The following GHR variants were observed in gnomAD, a reference collection of about 807,000 sequenced individuals.
The protein encoded by GHR is GH receptor.
A neutral mutation model predicts 67.1 loss-of-function variants in GHR; 35 were observed. The observed-to-expected ratio is 0.52, with a 90% CI of 0.40 to 0.69. The LOEUF (loss-of-function observed/expected upper bound fraction) is 0.69. GHR is among the 30% of genes least tolerant of loss of function. The pLI is 0.00. For missense variants in GHR, 792 were observed against 764.6 expected, an observed-to-expected ratio of 1.04 and a Z score of -0.42; for synonymous variants, 272 against 269.1, an observed-to-expected ratio of 1.01 and a Z score of -0.10.
At chr5:42,545,425 T>C (rs1190609975) in intron 1 of GHR, among the ~76,000 whole-genome samples, 1 of 152,218 alleles carries the variant, frequency 6.6e-6, no homozygotes, top group Non-Finnish European at 1.5e-5. Context: ...TTTCTTTAGA[T>C]ATTTTGTTAG....
At chr5:42,459,287 A>T (rs1744387731) in intron 1 of GHR, among the ~76,000 whole-genome samples, 1 of 152,202 alleles carries the variant, frequency 6.6e-6, no homozygotes, top group Admixed American at 6.5e-5. Flanking sequence ...AGTAGACTGG[A>T]TAAAGAAAAT....
chr5:42,578,219 A>G (rs1354189221), intron 2 of GHR, among the ~76,000 whole-genome samples: 1 of 152,150 alleles, frequency 6.6e-6, no homozygotes, highest in Non-Finnish European at 1.5e-5. Flanking sequence ...AGTGTTCTCT[A>G]GGGGTCAAAA....
intron 2 of GHR, among the ~76,000 whole-genome samples, chr5:42,581,758 T>A (rs1316815057): frequency 6.6e-6 from 1 of 152,046 alleles, no homozygotes; most frequent in East Asian, 1.9e-4. Flanking sequence ...AGCTGCCAGG[T>A]GGGAAGCCTG....
At chr5:42,435,299 C>T (rs1051471049) in intron 1 of GHR, among the ~76,000 whole-genome samples, 1 of 152,098 alleles carries the variant, frequency 6.6e-6, no homozygotes, top group Non-Finnish European at 1.5e-5. Flanking sequence ...TCTCTGTCAA[C>T]GTGCCTGTAT....
At chr5:42,467,878 C>T in intron 1 of GHR, 1 of 854,026 alleles carries the variant, frequency 1.2e-6, no homozygotes, top group East Asian at 2.4e-5. Context: ...CCACAGATTT[C>T]TTACATTTCT....
intron 7 of GHR, among the ~76,000 whole-genome samples, chr5:42,713,081 G>A (rs1317506039): frequency 1.3e-5 from 2 of 151,868 alleles, no homozygotes; most frequent in Non-Finnish European, 2.9e-5. Context: ...GTGTTAATAA[G>A]CAACACTTTT....
chr5:42,668,566 C>T (rs138030022), intron 3 of GHR, among the ~76,000 whole-genome samples: 24 of 151,934 alleles, frequency 1.6e-4, no homozygotes, highest in African/African-American at 2.7e-4. Flanking sequence ...GCTGTCTTAC[C>T]GCACTAATAT....
rs181844533 is a variant in GHR at position 42,426,357 on chromosome 5, G to C, written c.-12+2402G>C. 7.2e-5 allele frequency among the ~76,000 whole-genome samples: 11 copies of C among 152,276 alleles called. No homozygotes were observed. In the East Asian group the frequency reaches 1.7e-3, roughly 24 times the overall value. ...TGTTAATGTAAAGATAAATGTGAGT[G>C]ACGTAGTGAGAAAGTGGGACAGTAA... On this transcript the variant is annotated intron_variant, in intron 1 of 9. Transcript: ENST00000230882.
chr5:42,621,835 A>G (rs1475042849), intron 2 of GHR, among the ~76,000 whole-genome samples: 3 of 152,174 alleles, frequency 2.0e-5, no homozygotes, highest in African/African-American at 7.2e-5. Flanking sequence ...GTTCAAGTAG[A>G]GAAGAAATAC....
At chr5:42,666,812 G>GT (rs1485802905) in intron 3 of GHR, among the ~76,000 whole-genome samples, 1 of 152,172 alleles carries the variant, frequency 6.6e-6, no homozygotes, top group Non-Finnish European at 1.5e-5. Context: ...TCACATGAAA[G>GT]TTGTGTCTCT....
At chr5:42,575,687 C>A (rs575671705) in intron 2 of GHR, among the ~76,000 whole-genome samples, 1 of 150,376 alleles carries the variant, frequency 6.6e-6, no homozygotes, top group East Asian at 2.0e-4. Flanking sequence ...CAGAGAGACA[C>A]GGGTCCTGGG....
chr5:42,700,611 T>C (rs1579638299), intron 6 of GHR, among the ~76,000 whole-genome samples: 1 of 152,142 alleles, frequency 6.6e-6, no homozygotes, highest in Admixed American at 6.5e-5. Context: ...AAATTTCACA[T>C]GGCACATAAC....
chr5:42,524,155 T>A (rs1163546358), intron 1 of GHR, among the ~76,000 whole-genome samples: 1 of 151,268 alleles, frequency 6.6e-6, no homozygotes, highest in East Asian at 1.9e-4. Flanking sequence ...ACTGGCAGAG[T>A]TTGGAAGAGT....
chr5:42,552,426 G>A (rs939148607), intron 1 of GHR, among the ~76,000 whole-genome samples: 1 of 152,176 alleles, frequency 6.6e-6, no homozygotes, highest in Non-Finnish European at 1.5e-5. Flanking sequence ...GGTTTGACCT[G>A]ATGTTAAGAT....
At chr5:42,707,198 T>C (rs1758218998) in intron 6 of GHR, among the ~76,000 whole-genome samples, 1 of 152,052 alleles carries the variant, frequency 6.6e-6, no homozygotes, top group African/African-American at 2.4e-5. Flanking sequence ...TAAAAAACTC[T>C]ACACTTTTAC....
intron 1 of GHR, among the ~76,000 whole-genome samples, chr5:42,450,878 T>C (rs34496017): frequency 9.6e-4 from 146 of 152,348 alleles, no homozygotes; most frequent in Admixed American, 1.6e-3. Context: ...CTTGATTTCA[T>C]TGTTGACCCA....
At chr5:42,671,905 G>A (rs1404393476) in intron 3 of GHR, among the ~76,000 whole-genome samples, 8 of 141,980 alleles carry the variant, frequency 5.6e-5, no homozygotes, top group East Asian at 4.3e-4. Context: ...GCAGTGAGCC[G>A]AGATCCCGCC....
intron 1 of GHR, among the ~76,000 whole-genome samples, chr5:42,550,643 C>T (rs1748978840): frequency 6.6e-6 from 1 of 152,116 alleles, no homozygotes; most frequent in African/African-American, 2.4e-5. Context: ...TTTTTATCCT[C>T]TTGAATTTTT....
intron 1 of GHR, among the ~76,000 whole-genome samples, chr5:42,521,185 T>G (rs2112302036): frequency 6.6e-6 from 1 of 152,298 alleles, no homozygotes; most frequent in East Asian, 1.9e-4. Context: ...AAGAGTCCTA[T>G]TGTGCTCCTT....
Sources: allele counts gnomAD v4.1 joint callset (sites outside exome capture counted in the v4.1 genomes callset), GRCh38; gene constraint gnomAD v4.1.1; transcripts MANE v1.5; gene names NCBI Gene and HGNC (gene_info 2026-07-23, HGNC 2026-07-21).